Variants in ACER3 observed in about 807,000 individuals in gnomAD.
ACER3 encodes the protein alkCDase 3.
In ACER3, 16 loss-of-function variants were observed where a neutral mutation model predicts 48.9. That is an observed-to-expected ratio of 0.33 (90% CI 0.22 to 0.50). ACER3 has a LOEUF of 0.50. Among genes scored for constraint, ACER3 ranks in the 20% least tolerant of loss-of-function variants. The probability of loss-of-function intolerance (pLI) is 0.98; values close to 1 mark genes in which losing one functional copy is unlikely to be tolerated. For missense variants in ACER3, 227 were observed against 326.0 expected (o/e 0.70, Z 2.34); for synonymous variants, 109 against 107.8 (o/e 1.01, Z -0.07).
At chr11:76,953,041 T>C (rs879358007) in intron 2 of ACER3, among the ~76,000 whole-genome samples, 1 of 152,048 alleles carries the variant, frequency 6.6e-6, no homozygotes, top group African/African-American at 2.4e-5. Context: ...AAAGAGTAAG[T>C]ATTCCAGGCA....
At chr11:76,863,266 G>T (rs1372421133) in intron 1 of ACER3, among the ~76,000 whole-genome samples, 14 of 152,124 alleles carry the variant, frequency 9.2e-5, no homozygotes, top group Admixed American at 9.2e-4. Context: ...AAAACTGGCG[G>T]TAAGTCATGT....
In ACER3 at chr11:76,934,844, C is replaced by T. The variant is rs534749971; in HGVS notation, c.214+8177C>T. Among the ~76,000 whole-genome samples the T allele has an allele frequency of 2.6e-5, 4 of 152,282 alleles. No homozygotes were observed. In the South Asian group the frequency reaches 8.3e-4, roughly 32 times the overall value. On this transcript the variant is annotated intron_variant, in intron 2 of 10. Coordinates refer to ENST00000532485, the MANE Select transcript of ACER3 (RefSeq NM_018367.7). The stretch of plus-strand genomic sequence containing the variant: ...TCTCTCTATAAAATAGACCCCCCAA[C>T]ATGCAGCCTATTTCCATGTAAAATT...
At chr11:76,993,620 T>C (rs1284795681) in intron 6 of ACER3, among the ~76,000 whole-genome samples, 2 of 152,188 alleles carry the variant, frequency 1.3e-5, no homozygotes, top group Non-Finnish European at 1.5e-5. Flanking sequence ...CTATTCCATC[T>C]ATAGAGAAGC....
intron 5 of ACER3, among the ~76,000 whole-genome samples, chr11:76,986,346 A>G (rs1948685043): frequency 6.6e-6 from 1 of 152,176 alleles, no homozygotes; most frequent in African/African-American, 2.4e-5. Context: ...AGGGGTAAAA[A>G]CTACTTATAT....
In ACER3 at chr11:76,982,062, T is replaced by C. The variant is rs566842662; in HGVS notation, c.321-3581T>C. Among the ~76,000 whole-genome samples, 4 of 152,308 alleles carry C rather than the reference T, an allele frequency of 2.6e-5. No homozygotes were observed. In the South Asian group the frequency reaches 8.3e-4, roughly 32 times the overall value. The stretch of plus-strand genomic sequence containing the variant: ...AAGACTTGGTATTATCAGTCTTTTT[T>C]ATTTTAGTCATTCTAGTGAGTATGA... On this transcript the variant is annotated intron_variant, in intron 4 of 10. Coordinates refer to ENST00000532485, the MANE Select transcript of ACER3 (RefSeq NM_018367.7).
intron 1 of ACER3, chr11:76,868,257 G>T: frequency 7.8e-7 from 1 of 1,287,684 alleles, no homozygotes. Context: ...TTCTCTGAAG[G>T]TTATTGACAG....
intron 1 of ACER3, among the ~76,000 whole-genome samples, chr11:76,882,258 A>C (rs373946392): frequency 3.3e-5 from 5 of 151,884 alleles, no homozygotes; most frequent in Admixed American, 3.3e-4. Context: ...GCCCGCGTCA[A>C]CTGCCAAAGT....
At chr11:76,998,912 G>A in intron 7 of ACER3, 91 bp downstream of exon 7, 1 of 988,664 alleles carries the variant, frequency 1.0e-6, no homozygotes, top group East Asian at 2.9e-5. Flanking sequence ...ACACATAAAA[G>A]CTCACTTCAG....
intron 7 of ACER3, among the ~76,000 whole-genome samples, chr11:77,010,415 C>A: frequency 7.1e-6 from 1 of 141,126 alleles, no homozygotes. Context: ...TTAAAGAAGC[C>A]ACTCTGAGTA....
chr11:76,915,213 A>G (rs1366467220), intron 1 of ACER3, among the ~76,000 whole-genome samples: 1 of 151,858 alleles, frequency 6.6e-6, no homozygotes, highest in African/African-American at 2.4e-5. Context: ...ATAAATAAAT[A>G]AGTTAAAAAA....
chr11:76,998,322 G>A (rs1948957684), intron 6 of ACER3, among the ~76,000 whole-genome samples: 1 of 152,036 alleles, frequency 6.6e-6, no homozygotes, highest in African/African-American at 2.4e-5. Context: ...GAATGCCAGG[G>A]GAGGATGCAT....
chr11:76,928,727 C>G (rs1333107436), intron 2 of ACER3, among the ~76,000 whole-genome samples: 1 of 152,126 alleles, frequency 6.6e-6, no homozygotes, highest in Admixed American at 6.5e-5. Context: ...AATCCTTTCC[C>G]CATTTCTTGT....
At position 76,938,372 on chromosome 11, in the gene ACER3, GCAATGGTACTAT is replaced by G. The variant is rs1947251123; in HGVS notation, c.214+11708_214+11719del. On this transcript the variant is annotated intron_variant, in intron 2 of 10. Transcript: ENST00000532485. ...CTTGCTCTGTCACCTAGGCTGGAAT[GCAATGGTACTAT>G]CACGGCTTACTGCGGCCTCAACCTC... Among the ~76,000 whole-genome samples the G allele has an allele frequency of 2.6e-5, 4 of 152,264 alleles. No individual in the cohort carries two copies. The South Asian group carries it at 8.3e-4, about 32-fold the overall frequency.
At chr11:76,908,033 C>T (rs556858126) in intron 1 of ACER3, among the ~76,000 whole-genome samples, 3 of 152,102 alleles carry the variant, frequency 2.0e-5, no homozygotes, top group Admixed American at 6.6e-5. Context: ...GTCAGGGGTT[C>T]GAGACCAGCC....
In ACER3 at chr11:76,947,976, G is replaced by A. The variant is rs72945437; in HGVS notation, c.215-11003G>A. On this transcript the variant is annotated intron_variant, in intron 2 of 10. Transcript: ENST00000532485. ...GAAATGAAATGAGATGGCCAGGTACGTAGCTTGGTAGAATTGCCTAAGGCG... is the reference window on the plus strand; with the variant it reads ...GAAATGAAATGAGATGGCCAGGTACATAGCTTGGTAGAATTGCCTAAGGCG... Among the ~76,000 whole-genome samples, 927 of 152,274 alleles carry A rather than the reference G, an allele frequency of 6.1e-3. 31 individuals carry two copies. Among genetic ancestry groups the A allele is most frequent in the African/African-American group, 0.011 (458 of 41,566 alleles).
chr11:76,987,449 A>G (rs1948708514), intron 5 of ACER3, among the ~76,000 whole-genome samples: 1 of 152,180 alleles, frequency 6.6e-6, no homozygotes, highest in Admixed American at 6.5e-5. Flanking sequence ...ATAGATAATG[A>G]GTAGGTTTGT....
chr11:76,903,131 G>A (rs1027840745), intron 1 of ACER3, among the ~76,000 whole-genome samples: 15 of 151,712 alleles, frequency 9.9e-5, no homozygotes, highest in Admixed American at 6.6e-5. Context: ...TTGTCTGCAA[G>A]TTTTTTCAAA....
At chr11:76,926,997 G>A (rs1946847104) in intron 2 of ACER3, among the ~76,000 whole-genome samples, 1 of 151,960 alleles carries the variant, frequency 6.6e-6, no homozygotes, top group South Asian at 2.1e-4. Flanking sequence ...AATTACTACA[G>A]ATAAAATTAA....
At position 76,958,985 on chromosome 11, in the gene ACER3, G is replaced by A; in HGVS notation, c.221G>A (p.Gly74Glu). The change falls in exon 3 of 11, where the codon GGA becomes GAA. Residue 74 changes from glycine (G) to glutamate (E), a missense_variant. Coordinates refer to ENST00000532485, the MANE Select transcript of ACER3 (RefSeq NM_018367.7). ...IASYLALTVV[G>E]MGSWCFHMTL... Reference sequence around the variant, plus strand: ...TTCATTTGTTTAATTTCAGTGGTAGGAATGGGATCCTGGTGCTTCCACATG... The same window carrying A: ...TTCATTTGTTTAATTTCAGTGGTAGAAATGGGATCCTGGTGCTTCCACATG... 6.2e-7 allele frequency: 1 copy of A among 1,613,954 alleles called. No individual in the cohort carries two copies. The highest frequency in any genetic ancestry group is 8.5e-7 in the Non-Finnish European group (1 of 1,179,982).
Sources: allele counts gnomAD v4.1 joint callset (sites outside exome capture counted in the v4.1 genomes callset), GRCh38; gene constraint gnomAD v4.1.1; transcripts MANE v1.5; gene names NCBI Gene and HGNC (gene_info 2026-07-23, HGNC 2026-07-21).